PEX5L: variants seen among roughly 807,000 people sequenced by gnomAD.
PEX5L encodes peroxisomal biogenesis factor 5 like.
A neutral mutation model predicts 84.0 loss-of-function variants in PEX5L; 30 were observed. The observed-to-expected ratio is 0.36, with a 90% CI of 0.27 to 0.48. The LOEUF (loss-of-function observed/expected upper bound fraction) is 0.48, where lower values mean the gene tolerates loss of function less well. Among genes scored for constraint, PEX5L ranks in the 20% least tolerant of loss-of-function variants. The pLI is 0.99. For synonymous variants in PEX5L, 270 were observed against 283.1 expected, an observed-to-expected ratio of 0.95 and a Z score of 0.46; for missense variants, 533 against 754.6, an observed-to-expected ratio of 0.71 and a Z score of 3.44.
intron 2 of PEX5L, among the ~76,000 whole-genome samples, chr3:179,935,229 A>G (rs2109698229): frequency 6.6e-6 from 1 of 152,334 alleles, no homozygotes; most frequent in East Asian, 1.9e-4. Context: ...TATGTAAAAA[A>G]GTTTCAGAAT....
At position 179,960,803 on chromosome 3, in the gene PEX5L, T is replaced by C. The variant is rs541391927; in HGVS notation, c.93+10791A>G. On this transcript the variant is annotated intron_variant, in intron 2 of 14. Transcript: ENST00000467460. Reference sequence around the variant, plus strand: ...ATCAACTTATGCAACATAGCTCATTTTTTTCAGGGACTACTCCAATAGTTC... The same window carrying C: ...ATCAACTTATGCAACATAGCTCATTCTTTTCAGGGACTACTCCAATAGTTC... Among the ~76,000 whole-genome samples the C allele has an allele frequency of 2.0e-5, 3 of 152,356 alleles. No individual in the cohort carries two copies. The South Asian group carries it at 6.2e-4, about 32-fold the overall frequency.
intron 2 of PEX5L, among the ~76,000 whole-genome samples, chr3:179,922,211 C>A (rs1292145114): frequency 1.3e-5 from 2 of 152,146 alleles, no homozygotes; most frequent in Non-Finnish European, 2.9e-5. Context: ...GGGAATGTGG[C>A]AAACAATACA....
At chr3:179,919,795 C>T (rs1309357198) in intron 2 of PEX5L, among the ~76,000 whole-genome samples, 1 of 152,104 alleles carries the variant, frequency 6.6e-6, no homozygotes, top group East Asian at 1.9e-4. Flanking sequence ...CTCTGCCTCC[C>T]GGGTTCAAGC....
intron 1 of PEX5L, among the ~76,000 whole-genome samples, chr3:179,986,486 T>C (rs982271196): frequency 7.6e-5 from 11 of 145,292 alleles, no homozygotes; most frequent in African/African-American, 2.8e-4. Context: ...CACCGCAAGC[T>C]CCGCCTCCCG....
At chr3:179,851,788 C>T (rs1052047406) in intron 8 of PEX5L, among the ~76,000 whole-genome samples, 4 of 152,168 alleles carry the variant, frequency 2.6e-5, no homozygotes, top group Non-Finnish European at 5.9e-5. Context: ...GGCTGAATGT[C>T]CCCTAAGGAA....
At chr3:179,883,617 C>G (rs1388418791) in intron 4 of PEX5L, among the ~76,000 whole-genome samples, 1 of 152,092 alleles carries the variant, frequency 6.6e-6, no homozygotes, top group Non-Finnish European at 1.5e-5. Context: ...AACCCCGTCT[C>G]TACTAAAAAT....
In PEX5L at chr3:179,928,894, T is replaced by C. The variant is rs567407756; in HGVS notation, c.94-30648A>G. Reference sequence around the variant, plus strand: ...AAGATCCAGGCTTGAAGCCCCTCCATGCCATTACCTTTCCATACATTCTCC... The same window carrying C: ...AAGATCCAGGCTTGAAGCCCCTCCACGCCATTACCTTTCCATACATTCTCC... On this transcript the variant is annotated intron_variant, in intron 2 of 14. Transcript: ENST00000467460. Among the ~76,000 whole-genome samples, 193 of 152,294 alleles carry C rather than the reference T, an allele frequency of 1.3e-3. 2 individuals are homozygous for C. Among genetic ancestry groups the C allele is most frequent in the African/African-American group, 4.5e-3 (187 of 41,568 alleles).
chr3:179,963,303 T>C (rs1782525765), intron 2 of PEX5L, among the ~76,000 whole-genome samples: 1 of 152,184 alleles, frequency 6.6e-6, no homozygotes, highest in African/African-American at 2.4e-5. Flanking sequence ...GGTAGAAACA[T>C]CAGCAATGCC....
Position 179,865,391 on chromosome 3 carries a change from G to C in PEX5L, c.727-6234C>G, listed in dbSNP as rs969041098. Among the ~76,000 whole-genome samples the C allele has an allele frequency of 1.3e-5, 2 of 152,050 alleles. 1 individual carries two copies. Among genetic ancestry groups the C allele is most frequent in the Non-Finnish European group, 2.9e-5 (2 of 67,994 alleles). ...AGTTTTCGAATAGCGATTAGTATGC[G>C]GTTAAAGATCCTGAAACTTTTCTGC... On this transcript the variant is annotated intron_variant, in intron 7 of 14. Coordinates refer to ENST00000467460, the MANE Select transcript of PEX5L (RefSeq NM_016559.3).
intron 8 of PEX5L, among the ~76,000 whole-genome samples, chr3:179,830,285 G>GC (rs57877847): frequency 0.063 from 5,122 of 80,996 alleles, 299 homozygotes; most frequent in African/African-American, 0.17. Flanking sequence ...TTCCTCCCCC[G>GC]CCCCCCCCCT....
At chr3:180,024,218 C>G (rs544964408) in intron 1 of PEX5L, among the ~76,000 whole-genome samples, 19 of 151,572 alleles carry the variant, frequency 1.3e-4, no homozygotes, top group Non-Finnish European at 2.7e-4. Flanking sequence ...GGAAGAATCA[C>G]TCCTCCGTAT....
At chr3:179,857,278 G>T (rs1184290740) in intron 8 of PEX5L, among the ~76,000 whole-genome samples, 1 of 152,174 alleles carries the variant, frequency 6.6e-6, no homozygotes, top group African/African-American at 2.4e-5. Flanking sequence ...GAAGAGGAAA[G>T]ATTAATTCTG....
intron 7 of PEX5L, 59 bp from the exon 8 acceptor site, chr3:179,859,216 A>G (rs1745137596): frequency 7.9e-7 from 1 of 1,262,066 alleles, no homozygotes; most frequent in Non-Finnish European, 1.2e-6. Context: ...TTATAGAAAT[A>G]TACAGGTGCT....
intron 7 of PEX5L, among the ~76,000 whole-genome samples, chr3:179,862,162 T>A (rs1444427701): frequency 6.6e-6 from 1 of 152,214 alleles, no homozygotes; most frequent in African/African-American, 2.4e-5. Flanking sequence ...CGTCACTCCA[T>A]GTTGCCTCCT....
chr3:179,875,107 C>G (rs1264158071), intron 6 of PEX5L, among the ~76,000 whole-genome samples: 1 of 151,816 alleles, frequency 6.6e-6, no homozygotes, highest in Non-Finnish European at 1.5e-5. Flanking sequence ...GTTACACATT[C>G]AGAACATTAT....
intron 14 of PEX5L, among the ~76,000 whole-genome samples, chr3:179,806,022 AATGT>A (rs1401908698): frequency 9.3e-5 from 14 of 150,066 alleles, no homozygotes; most frequent in Non-Finnish European, 8.9e-5. Flanking sequence ...ATATATATAA[AATGT>A]ATGTAATATT....
intron 2 of PEX5L, among the ~76,000 whole-genome samples, chr3:179,932,645 GTTAAT>G (rs1315244471): frequency 2.0e-5 from 3 of 152,060 alleles, no homozygotes; most frequent in Non-Finnish European, 4.4e-5. Flanking sequence ...AAAAATAAAA[GTTAAT>G]TTAAGCTCTA....
At chr3:180,030,866 C>T (rs1282824695) in intron 1 of PEX5L, among the ~76,000 whole-genome samples, 1 of 151,008 alleles carries the variant, frequency 6.6e-6, no homozygotes, top group Non-Finnish European at 1.5e-5. Context: ...GAAATTCTAA[C>T]TATTTCACTT....
chr3:179,922,333 A>G (rs1228451159), intron 2 of PEX5L, among the ~76,000 whole-genome samples: 2 of 152,224 alleles, frequency 1.3e-5, no homozygotes, highest in African/African-American at 4.8e-5. Flanking sequence ...TGCTACGGGA[A>G]GAGACAACAG....
Sources: gnomAD v4.1 joint callset for allele counts (sites outside exome capture counted in the v4.1 genomes callset) on GRCh38, gnomAD v4.1.1 for gene constraint, MANE v1.5 for transcripts, NCBI Gene and HGNC (gene_info 2026-07-23, HGNC 2026-07-21) for gene names.